The following CADPS variants were observed in gnomAD, a reference collection of about 807,000 sequenced individuals.
The protein encoded by CADPS is calcium-dependent secretion activator 1.
CADPS carries 57 observed loss-of-function variants against 167.3 expected under a neutral mutation model. The observed-to-expected ratio is 0.34, with a 90% CI of 0.28 to 0.42. The LOEUF is 0.42. Among genes scored for constraint, CADPS ranks in the 20% least tolerant of loss-of-function variants. The probability of loss-of-function intolerance (pLI) is 1.00; values close to 1 mark genes in which losing one functional copy is unlikely to be tolerated. For missense variants in CADPS, 1,414 were observed against 1,738.1 expected (o/e 0.81, Z 3.32); for synonymous variants, 676 against 635.3 (o/e 1.06, Z -0.96).
At chr3:62,730,336 G>C (rs2077533092) in intron 3 of CADPS, among the ~76,000 whole-genome samples, 1 of 152,180 alleles carries the variant, frequency 6.6e-6, no homozygotes. Flanking sequence ...TATCTAGTGA[G>C]TAGAAGTTAG....
intron 1 of CADPS, among the ~76,000 whole-genome samples, chr3:62,851,032 C>T (rs1344373242): frequency 7.5e-6 from 1 of 132,774 alleles, no homozygotes; most frequent in Non-Finnish European, 1.6e-5. Context: ...TATGTAATGG[C>T]CTTCTTTGTC....
rs1245286664 is a variant in CADPS at position 62,446,045 on chromosome 3, C to T, written c.3637-248G>A. Among the ~76,000 whole-genome samples, 4 of 152,202 alleles carry T rather than the reference C, an allele frequency of 2.6e-5. No individual in the cohort carries two copies. The highest frequency in any genetic ancestry group is 9.7e-5 in the African/African-American group (4 of 41,444). On this transcript the variant is annotated intron_variant, in intron 26 of 29. Transcript: ENST00000383710. The surrounding 1 kb of genome is among the most constrained non-coding windows in gnomAD (Gnocchi z 4.9). Reference sequence around the variant, plus strand: ...TTCTGTTGCTGGAGCGGGAGCTTTACATTTTCCTCCCTCCCTCTGAAAAAA... The same window carrying T: ...TTCTGTTGCTGGAGCGGGAGCTTTATATTTTCCTCCCTCCCTCTGAAAAAA...
At chr3:62,643,810 TC>T (rs2067940976) in intron 6 of CADPS, among the ~76,000 whole-genome samples, 1 of 152,190 alleles carries the variant, frequency 6.6e-6, no homozygotes, top group African/African-American at 2.4e-5. Context: ...AGGTTGTTCT[TC>T]CCCCATGTAT....
chr3:62,594,316 T>C (rs1042733897), intron 6 of CADPS, among the ~76,000 whole-genome samples: 77 of 151,134 alleles, frequency 5.1e-4, no homozygotes, highest in Non-Finnish European at 9.6e-4. Flanking sequence ...CGCCCGCCAC[T>C]ATGCCCGGCT....
intron 26 of CADPS, among the ~76,000 whole-genome samples, chr3:62,450,351 C>T (rs1183056423): frequency 3.3e-5 from 5 of 152,176 alleles, no homozygotes; most frequent in Admixed American, 2.6e-4. Flanking sequence ...TTATAATCAA[C>T]AACACAATCT....
intron 3 of CADPS, among the ~76,000 whole-genome samples, chr3:62,734,330 G>A (rs1435319325): frequency 6.6e-6 from 1 of 152,136 alleles, no homozygotes; most frequent in East Asian, 1.9e-4. Context: ...TGTGGCTAGT[G>A]TGATTGAAAA....
Position 62,832,064 on chromosome 3 carries a change from T to C in CADPS, c.441+42525A>G, listed in dbSNP as rs868371806. Among the ~76,000 whole-genome samples, 16 of 152,288 alleles carry C rather than the reference T, an allele frequency of 1.1e-4. No individual in the cohort carries two copies. In the Middle Eastern group the frequency reaches 0.02, roughly 194 times the overall value. On this transcript the variant is annotated intron_variant, in intron 1 of 29. Coordinates refer to ENST00000383710, the MANE Select transcript of CADPS (RefSeq NM_003716.4). ...TAAGAAGCTTACATTTCATTGTTGA[T>C]AGGTAAGCATGCATGGAAATAACAA... is the stretch of plus-strand genomic sequence containing the variant.
intron 3 of CADPS, among the ~76,000 whole-genome samples, chr3:62,675,084 T>C (rs182274076): frequency 4.6e-5 from 7 of 152,224 alleles, no homozygotes; most frequent in Non-Finnish European, 1.0e-4. Flanking sequence ...TATGGGGGAC[T>C]CTCTTCCACA....
chr3:62,529,518 T>C (rs1350963623), intron 13 of CADPS, among the ~76,000 whole-genome samples: 4 of 152,202 alleles, frequency 2.6e-5, no homozygotes, highest in African/African-American at 9.6e-5. Flanking sequence ...GCATGCACTT[T>C]CTTCCTAATT....
rs1360699475 is a variant in CADPS at position 62,874,222 on chromosome 3, G to A, written c.441+367C>T. Among the ~76,000 whole-genome samples, 2 of 152,106 alleles carry A rather than the reference G, an allele frequency of 1.3e-5. No homozygotes were observed. Among genetic ancestry groups the A allele is most frequent in the Admixed American group, 6.5e-5 (1 of 15,282 alleles). ...CGCCCGCCGCTGGAGAGCGCTGGGAGCCCTGCAAGCGAGCAAGGCCTCTCT... is the reference window on the plus strand; with the variant it reads ...CGCCCGCCGCTGGAGAGCGCTGGGAACCCTGCAAGCGAGCAAGGCCTCTCT... On this transcript the variant is annotated intron_variant, in intron 1 of 29. Transcript: ENST00000383710. The surrounding 1 kb of genome is among the most constrained non-coding windows in gnomAD (Gnocchi z 7.1).
intron 6 of CADPS, among the ~76,000 whole-genome samples, chr3:62,621,080 T>C (rs1231600983): frequency 6.6e-6 from 1 of 152,204 alleles, no homozygotes; most frequent in Non-Finnish European, 1.5e-5. Context: ...TTCTGTTATT[T>C]AATCTGTATC....
At chr3:62,462,236 T>C (rs925052541) in intron 26 of CADPS, among the ~76,000 whole-genome samples, 4 of 152,244 alleles carry the variant, frequency 2.6e-5, no homozygotes, top group Non-Finnish European at 5.9e-5. Context: ...CCTGCCTCCA[T>C]AAATCCCAGG....
intron 6 of CADPS, among the ~76,000 whole-genome samples, chr3:62,636,339 T>C (rs530605942): frequency 6.6e-6 from 1 of 152,320 alleles, no homozygotes; most frequent in African/African-American, 2.4e-5. Context: ...TTATTTTTCA[T>C]ATAATCACTG....
chr3:62,589,672 T>G (rs560617937), intron 7 of CADPS, among the ~76,000 whole-genome samples: 39 of 152,308 alleles, frequency 2.6e-4, no homozygotes, highest in Middle Eastern at 3.4e-3. Context: ...GCACAAAGTC[T>G]TTGGGACAGT....
chr3:62,829,539 C>T (rs561963546), intron 1 of CADPS, among the ~76,000 whole-genome samples: 1 of 152,158 alleles, frequency 6.6e-6, no homozygotes, highest in South Asian at 2.1e-4. Flanking sequence ...AAGGTAAAAA[C>T]ATCCTGATAA....
intron 1 of CADPS, among the ~76,000 whole-genome samples, chr3:62,787,417 T>A (rs2092561642): frequency 6.6e-6 from 1 of 152,220 alleles, no homozygotes; most frequent in African/African-American, 2.4e-5. Flanking sequence ...GATTAAAATA[T>A]TATTTTACTT....
At position 62,728,836 on chromosome 3, in the gene CADPS, C is replaced by G. The variant is rs189053630; in HGVS notation, c.888+24605G>C. Among the ~76,000 whole-genome samples the G allele has an allele frequency of 4.0e-5, 6 of 151,830 alleles. 1 individual carries two copies. The highest frequency in any genetic ancestry group is 1.5e-4 in the African/African-American group (6 of 41,214). On this transcript the variant is annotated intron_variant, in intron 3 of 29. Coordinates refer to ENST00000383710, the MANE Select transcript of CADPS (RefSeq NM_003716.4). ...CGGCGGAAAACTAGAAAGAGATGAG[C>G]AAGTGTGTTTAAAACCTTAAGCAGC...
At chr3:62,748,310 C>A (rs2081954322) in intron 3 of CADPS, among the ~76,000 whole-genome samples, 1 of 125,142 alleles carries the variant, frequency 8.0e-6, no homozygotes, top group Non-Finnish European at 1.6e-5. Flanking sequence ...TGCGCCACTG[C>A]ACTCCAGCCT....
At chr3:62,600,938 G>A (rs1304354709) in intron 6 of CADPS, among the ~76,000 whole-genome samples, 2 of 152,158 alleles carry the variant, frequency 1.3e-5, no homozygotes, top group African/African-American at 4.8e-5. Flanking sequence ...GGGCAACATA[G>A]TGATACCCAG....
Sources: gnomAD v4.1 joint callset for allele counts (sites outside exome capture counted in the v4.1 genomes callset) on GRCh38, gnomAD v4.1.1 for gene constraint, Gnocchi (gnomAD v3.1) non-coding constraint, MANE v1.5 for transcripts, NCBI Gene and HGNC (gene_info 2026-07-23, HGNC 2026-07-21) for gene names.